The following HGD variants were observed in gnomAD, a reference collection of about 807,000 sequenced individuals.
The protein encoded by HGD is homogentisate 1,2-dioxygenase.
A neutral mutation model predicts 60.8 loss-of-function variants in HGD; 61 were observed. That is an observed-to-expected ratio of 1.00 (90% confidence interval 0.82 to 1.24). HGD has a LOEUF of 1.24. Ranked by LOEUF, HGD falls within the 50% of genes most tolerant of loss-of-function variation. The pLI is 0.00. For missense variants in HGD, 542 were observed against 547.1 expected (o/e 0.99, Z 0.09); for synonymous variants, 212 against 187.7 (o/e 1.13, Z -1.06).
intron 12 of HGD, among the ~76,000 whole-genome samples, chr3:120,635,333 C>T (rs898946435): frequency 6.6e-6 from 1 of 151,878 alleles, no homozygotes; most frequent in Non-Finnish European, 1.5e-5. Context: ...AAAAATTAGC[C>T]GGGCGTGGTA....
Position 120,641,611 on chromosome 3 carries a change from T to C in HGD, c.857A>G (p.Asn286Ser). 1 of 1,613,558 alleles carries C rather than the reference T, an allele frequency of 6.2e-7. No individual in the cohort carries two copies. Among genetic ancestry groups the C allele is most frequent in the Non-Finnish European group, 8.5e-7 (1 of 1,179,486 alleles). ...KYNLKNFMVI[N>S]SVAFDHADPS... ...TACTGCATGGTCAAAGGCCACTGAG[T>C]TGATAACCATGAAATTCTTCAGGTT... The change falls in exon 11 of 14, where the codon AAC (asparagine) becomes AGC (serine). Residue 286 changes from asparagine to serine, a missense_variant. Around this residue, in one of 2 missense-constraint regions of HGD, gnomAD observed 537 missense variants for 529.1 expected, o/e 1.01. Coordinates refer to ENST00000283871, the MANE Select transcript of HGD (RefSeq NM_000187.4).
chr3:120,670,073 TC>T (rs984724778), intron 4 of HGD, among the ~76,000 whole-genome samples: 15 of 152,184 alleles, frequency 9.9e-5, no homozygotes, highest in Non-Finnish European at 1.9e-4. Flanking sequence ...AAGGGGATTT[TC>T]CCCCTTTCAC....
At chr3:120,645,127 TA>T (rs1442754692) in intron 9 of HGD, among the ~76,000 whole-genome samples, 2 of 152,110 alleles carry the variant, frequency 1.3e-5, no homozygotes, top group Non-Finnish European at 2.9e-5. Flanking sequence ...CTCCTGGACT[TA>T]AAAAAATAAG....
chr3:120,677,414 C>G (rs147025012), intron 1 of HGD, among the ~76,000 whole-genome samples: 4,016 of 152,196 alleles, frequency 0.026, 68 homozygotes, highest in Middle Eastern at 0.065. Flanking sequence ...CAGCCCCCCT[C>G]CAGGTGCGCC....
At chr3:120,636,280 CAAA>C (rs371412566) in intron 12 of HGD, among the ~76,000 whole-genome samples, 6 of 117,058 alleles carry the variant, frequency 5.1e-5, no homozygotes, top group African/African-American at 3.1e-5. Flanking sequence ...GACCCTGTCT[CAAA>C]AAAAAAAAAA....
chr3:120,666,383 G>C (rs1474937081), intron 4 of HGD, among the ~76,000 whole-genome samples: 1 of 152,150 alleles, frequency 6.6e-6, no homozygotes, highest in Non-Finnish European at 1.5e-5. Context: ...CTAACCATAG[G>C]TTAGAATGGG....
At chr3:120,635,386 A>C (rs1030458542) in intron 12 of HGD, among the ~76,000 whole-genome samples, 1 of 150,194 alleles carries the variant, frequency 6.7e-6, no homozygotes, top group Admixed American at 6.7e-5. Flanking sequence ...CTGAGGCAGG[A>C]GAACAGCATG....
chr3:120,640,429 G>T (rs1216862207), intron 11 of HGD, among the ~76,000 whole-genome samples: 1 of 152,160 alleles, frequency 6.6e-6, no homozygotes, highest in African/African-American at 2.4e-5. Flanking sequence ...GGGACAGATG[G>T]TGAAGAGCAT....
chr3:120,676,223 G>A (rs1276046692), intron 1 of HGD, among the ~76,000 whole-genome samples: 1 of 152,156 alleles, frequency 6.6e-6, no homozygotes, highest in Non-Finnish European at 1.5e-5. Flanking sequence ...AGGTGTGTGG[G>A]TCCAACCCTG....
At chr3:120,635,932 G>T (rs1302393259) in intron 12 of HGD, among the ~76,000 whole-genome samples, 1 of 152,024 alleles carries the variant, frequency 6.6e-6, no homozygotes, top group Non-Finnish European at 1.5e-5. Flanking sequence ...TCAACAAGCA[G>T]TCTGTAAACC....
At chr3:120,647,643 A>G (rs1213890202) in intron 7 of HGD, among the ~76,000 whole-genome samples, 1 of 152,206 alleles carries the variant, frequency 6.6e-6, no homozygotes, top group East Asian at 1.9e-4. Context: ...CACATCAGAA[A>G]GGTCCAGAAG....
At chr3:120,679,201 G>T (rs1216274395) in intron 1 of HGD, among the ~76,000 whole-genome samples, 2 of 152,152 alleles carry the variant, frequency 1.3e-5, no homozygotes, top group African/African-American at 4.8e-5. Context: ...CCCAGGATAT[G>T]GTTTACTTGT....
chr3:120,647,989 G>T (rs2107513653), intron 6 of HGD, 78 bp from the exon 7 acceptor site: 2 of 1,161,172 alleles, frequency 1.7e-6, no homozygotes, highest in East Asian at 2.3e-5. Flanking sequence ...ACAAATCATT[G>T]TTTAGTGCCT....
chr3:120,670,919 T>C, intron 3 of HGD, among the ~76,000 whole-genome samples: 1 of 152,244 alleles, frequency 6.6e-6, no homozygotes, highest in East Asian at 1.9e-4. Context: ...GTCCTTGCTC[T>C]GGAAGGCAAG....
At chr3:120,635,675 T>A (rs1346214136) in intron 12 of HGD, among the ~76,000 whole-genome samples, 1 of 152,060 alleles carries the variant, frequency 6.6e-6, no homozygotes. Flanking sequence ...GGTTCTGTGG[T>A]TTTTTCCCAA....
At chr3:120,652,550 G>A in intron 5 of HGD, 42 bp downstream of exon 5, 2 of 1,445,668 alleles carry the variant, frequency 1.4e-6, no homozygotes, top group Non-Finnish European at 1.9e-6. Context: ...CACCACAGAA[G>A]AGAGGAGAGC....
chr3:120,675,485 T>A (rs1708110112), intron 2 of HGD, among the ~76,000 whole-genome samples: 1 of 152,202 alleles, frequency 6.6e-6, no homozygotes, highest in Non-Finnish European at 1.5e-5. Flanking sequence ...TATTTTATCA[T>A]AATGCTCACA....
intron 4 of HGD, among the ~76,000 whole-genome samples, chr3:120,659,239 T>C (rs1329968833): frequency 1.3e-5 from 2 of 152,252 alleles, no homozygotes; most frequent in Non-Finnish European, 2.9e-5. Flanking sequence ...AATTTAAATA[T>C]AGGTTTAAAT....
At position 120,669,048 on chromosome 3, in the gene HGD, C is replaced by T. The variant is rs180744642; in HGVS notation, c.282+1379G>A. 5.3e-4 allele frequency among the ~76,000 whole-genome samples: 81 copies of T among 152,128 alleles called. 3 individuals are homozygous for T. The East Asian group carries it at 0.012, about 22-fold the overall frequency. ...AAGTAATAACGATAATTAGAGAAAA[C>T]GCCCACTATTACTAGACCAAAAGGA... is the stretch of plus-strand genomic sequence containing the variant. On this transcript the variant is annotated intron_variant, in intron 4 of 13. Coordinates refer to ENST00000283871, the MANE Select transcript of HGD (RefSeq NM_000187.4).
Sources: allele counts gnomAD v4.1 joint callset (sites outside exome capture counted in the v4.1 genomes callset), GRCh38; gene constraint gnomAD v4.1.1; regional missense constraint gnomAD v4.1.1; transcripts MANE v1.5; gene names NCBI Gene and HGNC (gene_info 2026-07-23, HGNC 2026-07-21).